KDM4B: variants seen among roughly 807,000 people sequenced by gnomAD.
KDM4B encodes the protein lysine demethylase 4B, also known as lysine-specific demethylase 4B.
In KDM4B, 32 loss-of-function variants were observed where a neutral mutation model predicts 125.2. That is an observed-to-expected ratio of 0.26 (90% CI 0.19 to 0.34). The LOEUF (loss-of-function observed/expected upper bound fraction) is 0.34, where lower values mean the gene tolerates loss of function less well. Ranked by LOEUF, KDM4B falls within the 10% of genes least tolerant of loss-of-function variation. KDM4B has a pLI of 1.00. For missense variants in KDM4B, 1,190 were observed against 1,577.7 expected (o/e 0.75, Z 4.16); for synonymous variants, 721 against 677.9 (o/e 1.06, Z -0.99).
In KDM4B at chr19:4,983,135, C is replaced by CTTTT. The variant is rs76958173; in HGVS notation, c.-109+13918_-109+13921dup. 4.1e-3 allele frequency among the ~76,000 whole-genome samples: 539 copies of CTTTT among 130,610 alleles called. 7 individuals are homozygous for CTTTT. Among genetic ancestry groups the CTTTT allele is most frequent in the African/African-American group, 0.014 (495 of 34,954 alleles). The allele number at this position is 130,610 out of a possible 152,430, so 85.7% of individuals were successfully genotyped here. ...GATGTTTCACACTGCTTTTTCTTTT[C>CTTTT]TTTTTTTTTTTTTTTTGGGTGCTGT... On this transcript the variant is annotated intron_variant, in intron 1 of 22. Coordinates refer to ENST00000159111, the MANE Select transcript of KDM4B (RefSeq NM_015015.3).
intron 2 of KDM4B, among the ~76,000 whole-genome samples, chr19:5,022,579 C>G (rs2036156673): frequency 6.6e-6 from 1 of 152,180 alleles, no homozygotes; most frequent in African/African-American, 2.4e-5. Flanking sequence ...GAGCCCACTT[C>G]CACCTGCCTC....
chr19:5,038,671 T>A (rs1264332363), intron 3 of KDM4B, among the ~76,000 whole-genome samples: 1 of 152,200 alleles, frequency 6.6e-6, no homozygotes, highest in Non-Finnish European at 1.5e-5. Flanking sequence ...GTCTGTCTGC[T>A]CACCCCAGGG....
rs538535435 is a variant in KDM4B at position 5,035,249 on chromosome 19, C to T, written c.141+2218C>T. 2.6e-5 allele frequency among the ~76,000 whole-genome samples: 4 copies of T among 152,226 alleles called. No individual in the cohort carries two copies. Among genetic ancestry groups the T allele is most frequent in the Non-Finnish European group, 4.4e-5 (3 of 68,004 alleles). The stretch of plus-strand genomic sequence containing the variant: ...GCGTCGCCTCCCTTTATCCTGGCAC[C>T]GCATCTGCCTCTGTCTCCTGCCCTT... On this transcript the variant is annotated intron_variant, in intron 3 of 22. Transcript: ENST00000159111. The surrounding 1 kb of genome is among the most constrained non-coding windows in gnomAD (Gnocchi z 5.3).
intron 7 of KDM4B, among the ~76,000 whole-genome samples, chr19:5,072,799 AG>A (rs893684062): frequency 6.6e-6 from 1 of 152,232 alleles, no homozygotes; most frequent in African/African-American, 2.4e-5. Context: ...ACCCAGGTGC[AG>A]GCAGGGCCAG....
chr19:4,994,020 G>GTTTTTT (rs55641886), intron 1 of KDM4B, among the ~76,000 whole-genome samples: 291 of 66,520 alleles, frequency 4.4e-3, no homozygotes, highest in Middle Eastern at 0.016. Context: ...TTTTCAGCCT[G>GTTTTTT]TTTTTTTTTT....
intron 12 of KDM4B, 110 bp downstream of exon 12, chr19:5,131,655 G>GTGGGGGGC: frequency 1.7e-6 from 1 of 590,734 alleles, no homozygotes; most frequent in South Asian, 2.0e-5. Flanking sequence ...GGGCAGGGAG[G>GTGGGGGGC]AGGGGACAGG....
chr19:5,001,817 T>A (rs1439023186), intron 1 of KDM4B, among the ~76,000 whole-genome samples: 1 of 152,190 alleles, frequency 6.6e-6, no homozygotes, highest in Non-Finnish European at 1.5e-5. Context: ...CCTGTAGTTA[T>A]GAGTGGTGAT....
At position 5,144,398 on chromosome 19, in the gene KDM4B, C is replaced by T; in HGVS notation, c.2887C>T (p.Pro963Ser). 1 of 1,564,270 alleles carries T rather than the reference C, an allele frequency of 6.4e-7. No individual in the cohort carries two copies. The highest frequency in any genetic ancestry group is 8.7e-7 in the Non-Finnish European group (1 of 1,154,140). The change falls in exon 20 of 23, where the codon CCT becomes TCT. Residue 963 changes from proline to serine, a missense_variant. By Grantham distance (74) the Pro-to-Ser change is moderately conservative. This residue lies in a region of KDM4B where 298 missense variants were observed against 439.7 expected (regional missense o/e 0.68). Transcript: ENST00000159111. ...TGGCTCCTACAGCGACAACCTGTAC[C>T]CTGAGAGCATCACGGTGAGCTGTGG... ...DDGSYSDNLY[P>S]ESITSRDCVQ... is the part of the protein sequence containing the mutation.
intron 11 of KDM4B, among the ~76,000 whole-genome samples, chr19:5,125,508 G>T (rs1466401238): frequency 6.6e-6 from 1 of 152,210 alleles, no homozygotes; most frequent in Non-Finnish European, 1.5e-5. Context: ...CGTAGGTGAG[G>T]CCCTGGCCTG....
intron 12 of KDM4B, 90 bp from the exon 13 acceptor site, chr19:5,131,797 T>G: frequency 6.4e-7 from 1 of 1,555,152 alleles, no homozygotes; most frequent in Admixed American, 1.8e-5. Flanking sequence ...GACTCAGGCC[T>G]CAGGCACGCC....
chr19:4,977,343 G>A (rs2034483016), intron 1 of KDM4B, among the ~76,000 whole-genome samples: 1 of 152,226 alleles, frequency 6.6e-6, no homozygotes, highest in Admixed American at 6.5e-5. Flanking sequence ...GCTCTCAGGT[G>A]CACAGTGACA....
Position 5,144,104 on chromosome 19 carries a change from C to G in KDM4B, c.2688C>G (p.Pro896=). 6.2e-7 allele frequency: 1 copy of G among 1,603,552 alleles called. No individual in the cohort carries two copies. Among genetic ancestry groups the G allele is most frequent in the South Asian group, 1.1e-5 (1 of 90,916 alleles). The part of the protein sequence containing the change: ...AGVLMEPDDW[P]YVVSITCLKH... ...TGCTCATGGAGCCGGACGACTGGCCCTATGTGGTCTCCATCACCTGCCTCA... is the reference window on the plus strand; with the variant it reads ...TGCTCATGGAGCCGGACGACTGGCCGTATGTGGTCTCCATCACCTGCCTCA... The change falls in exon 19 of 23, where the codon CCC becomes CCG. Residue 896 remains proline, a synonymous_variant. Coordinates refer to ENST00000159111, the MANE Select transcript of KDM4B (RefSeq NM_015015.3).
intron 6 of KDM4B, among the ~76,000 whole-genome samples, chr19:5,057,099 C>T (rs541021143): frequency 6.7e-6 from 1 of 149,298 alleles, no homozygotes; most frequent in Admixed American, 6.7e-5. Context: ...AATGACTCTC[C>T]GGCTGTCCCC....
chr19:5,137,806 G>T, intron 17 of KDM4B, 130 bp downstream of exon 17: 6 of 1,053,772 alleles, frequency 5.7e-6, no homozygotes, highest in Non-Finnish European at 8.2e-6. Context: ...TGTCATGGAT[G>T]GGGTGGCCAG....
At chr19:5,027,013 C>T (rs2036300900) in intron 2 of KDM4B, among the ~76,000 whole-genome samples, 1 of 152,220 alleles carries the variant, frequency 6.6e-6, no homozygotes, top group Non-Finnish European at 1.5e-5. Context: ...CACGGGGCAG[C>T]CGAGGCCTCC....
chr19:5,128,038 G>T (rs1403295549), intron 11 of KDM4B, among the ~76,000 whole-genome samples: 3 of 152,142 alleles, frequency 2.0e-5, no homozygotes, highest in Non-Finnish European at 4.4e-5. Flanking sequence ...TGTTGTGTGT[G>T]AGGACAGCCC....
intron 3 of KDM4B, among the ~76,000 whole-genome samples, chr19:5,039,371 C>T (rs1251410014): frequency 1.3e-5 from 2 of 152,150 alleles, no homozygotes; most frequent in Non-Finnish European, 2.9e-5. Flanking sequence ...GGGAGGATCA[C>T]GTGAGTCCAG....
chr19:5,044,880 A>T (rs2036974984), intron 5 of KDM4B, among the ~76,000 whole-genome samples: 1 of 152,098 alleles, frequency 6.6e-6, no homozygotes, highest in Non-Finnish European at 1.5e-5. Flanking sequence ...GGCCTCTTTG[A>T]CCAAGCAATA....
chr19:5,107,194 C>T (rs1349657860), intron 9 of KDM4B, among the ~76,000 whole-genome samples: 2 of 152,246 alleles, frequency 1.3e-5, no homozygotes, highest in Non-Finnish European at 2.9e-5. Flanking sequence ...ACGGTTCTAG[C>T]GGCCATGTGT....
Sources: gnomAD v4.1 joint callset for allele counts (sites outside exome capture counted in the v4.1 genomes callset) on GRCh38, gnomAD v4.1.1 for gene constraint, gnomAD v4.1.1 regional missense constraint, Gnocchi (gnomAD v3.1) non-coding constraint, MANE v1.5 for transcripts, NCBI Gene and HGNC (gene_info 2026-07-23, HGNC 2026-07-21) for gene names.